Variants in SMAD4 observed in about 807,000 individuals in gnomAD.
The protein encoded by SMAD4 is MAD homolog 4.
Under a neutral mutation model 63.2 loss-of-function variants are expected in SMAD4, and 7 were observed. The ratio of observed to expected loss-of-function variants is 0.11; its 90% CI spans 0.06 to 0.21. The LOEUF (loss-of-function observed/expected upper bound fraction) is 0.21. Among genes scored for constraint, SMAD4 ranks in the 10% least tolerant of loss-of-function variants. SMAD4 has a pLI of 1.00. For synonymous variants in SMAD4, 215 were observed against 235.4 expected, an observed-to-expected ratio of 0.91 and a Z score of 0.79; for missense variants, 312 against 693.8, an observed-to-expected ratio of 0.45 and a Z score of 6.18.
chr18:51,070,696 A>C (rs1295983539), intron 10 of SMAD4, among the ~76,000 whole-genome samples: 1 of 152,064 alleles, frequency 6.6e-6, no homozygotes, highest in Non-Finnish European at 1.5e-5. Flanking sequence ...AGATGATGAA[A>C]TCTCACTCCA....
At position 51,083,801 on chromosome 18, in the gene SMAD4, T is replaced by C. The variant is rs529462368; in HGVS notation, c.*5334T>C. On this transcript the variant is annotated 3_prime_UTR_variant, in exon 12 of 12. Transcript: ENST00000342988. The stretch of plus-strand genomic sequence containing the variant: ...TGACCTTGGCTACCTTGCAGCAGTT[T>C]TGGATTTCTTCCTTATCTTTGTTCT... The C allele has an allele frequency of 4.3e-6, 1 of 231,164 alleles. No individual in the cohort carries two copies. Among genetic ancestry groups the C allele is most frequent in the Admixed American group, 5.6e-5 (1 of 17,732 alleles). The allele number at this position is 231,164 out of a possible 1,614,324, so 14.3% of individuals were successfully genotyped here.
In SMAD4 at chr18:51,079,221, C is replaced by T. The variant is rs1161597412; in HGVS notation, c.*754C>T. The T allele has an allele frequency of 8.6e-6, 2 of 232,820 alleles. No individual in the cohort carries two copies. The highest frequency in any genetic ancestry group is 1.8e-4 in the South Asian group (1 of 5,522). The allele number at this position is 232,820 out of a possible 1,614,324, so 14.4% of individuals were successfully genotyped here. On this transcript the variant is annotated 3_prime_UTR_variant, in exon 12 of 12. Transcript: ENST00000342988. Reference sequence around the variant, plus strand: ...TGAAGTATACTTTTCCCCTGTTAAACAGTAGTTGTATTCTTCTGTATTTCT... The same window carrying T: ...TGAAGTATACTTTTCCCCTGTTAAATAGTAGTTGTATTCTTCTGTATTTCT...
chr18:51,034,585 C>G (rs746106049), intron 1 of SMAD4, among the ~76,000 whole-genome samples: 3 of 151,766 alleles, frequency 2.0e-5, no homozygotes, highest in Non-Finnish European at 4.4e-5. Context: ...TGCTCAGTGC[C>G]CCAGCCTGGA....
rs1019895180 is a variant in SMAD4 at position 51,049,218 on chromosome 18, A to G, written c.425-77A>G. 6 of 1,134,698 alleles carry G rather than the reference A, an allele frequency of 5.3e-6. No homozygotes were observed. In the Admixed American group the frequency reaches 7.2e-5, roughly 14 times the overall value. The allele number at this position is 1,134,698 out of a possible 1,614,324, so 70.3% of individuals were successfully genotyped here. On this transcript the variant is annotated intron_variant, in intron 3 of 11. Coordinates refer to ENST00000342988, the MANE Select transcript of SMAD4 (RefSeq NM_005359.6). ...TTTGTAATCTTTGGTTTAAATTTAC[A>G]TTCTCTGTTTTTAAATGGAAAATAC...
chr18:51,055,074 A>T, intron 5 of SMAD4, 81 bp downstream of exon 5: 1 of 1,005,562 alleles, frequency 9.9e-7, no homozygotes. Context: ...TTGGGGGGAA[A>T]CTCCAAGTAA....
chr18:51,059,836 A>G (rs752707803), intron 7 of SMAD4, 30 bp from the exon 8 acceptor site: 6 of 1,590,392 alleles, frequency 3.8e-6, no homozygotes, highest in Non-Finnish European at 5.2e-6. Flanking sequence ...TTAGTAAATA[A>G]AAATGGAATT....
rs1163381283 is a variant in SMAD4 at position 51,058,172 on chromosome 18, C to G, written c.715C>G (p.Gln239Glu). ...GGGCAGCCATAGTGAAGGACTGTTG[C>G]AGATAGCATCAGGGCCTCAGCCAGG... is the stretch of plus-strand genomic sequence containing the variant. The part of the protein sequence containing the change: ...LGGSHSEGLL[Q>E]IASGPQPGQQ... Residue 239 changes from glutamine to glutamate, a missense_variant, in exon 6 of 12, where the codon CAG (glutamine) becomes GAG (glutamate). By Grantham distance (29) the Gln-to-Glu change is conservative. Transcript: ENST00000342988. 11 of 1,614,130 alleles carry G rather than the reference C, an allele frequency of 6.8e-6. No individual in the cohort carries two copies. The highest frequency in any genetic ancestry group is 1.7e-5 in the Admixed American group (1 of 60,028).
intron 10 of SMAD4, among the ~76,000 whole-genome samples, chr18:51,070,782 C>T (rs565960229): frequency 2.6e-5 from 4 of 152,216 alleles, no homozygotes; most frequent in East Asian, 1.9e-4. Context: ...CACTGAGTAG[C>T]GAGCTCAGTT....
chr18:51,073,479 T>C (rs1021325318), intron 10 of SMAD4, among the ~76,000 whole-genome samples: 2 of 145,636 alleles, frequency 1.4e-5, no homozygotes, highest in Non-Finnish European at 3.0e-5. Context: ...TGTGGAGACC[T>C]AAATGTAAAA....
chr18:51,046,474 G>A (rs1176126405), intron 1 of SMAD4, among the ~76,000 whole-genome samples: 2 of 150,470 alleles, frequency 1.3e-5, no homozygotes, highest in Admixed American at 6.6e-5. Context: ...TTTAACAAAG[G>A]TGAGTGTTAA....
At chr18:51,049,383 TG>T in intron 4 of SMAD4, 59 bp downstream of exon 4, 1 of 1,301,734 alleles carries the variant, frequency 7.7e-7, no homozygotes, top group Non-Finnish European at 1.1e-6. Context: ...TCTGTTTTTT[TG>T]TTGACCTAGA....
At position 51,080,887 on chromosome 18, in the gene SMAD4, TC is replaced by T. The variant is rs1568212275; in HGVS notation, c.*2421del. On this transcript the variant is annotated 3_prime_UTR_variant, in exon 12 of 12. Coordinates refer to ENST00000342988, the MANE Select transcript of SMAD4 (RefSeq NM_005359.6). ...TAAGGAAAGTTTTCATGTTTAATCA[TC>T]TGGGGAAAGTATGTGAAAAATATTT... 1 of 184,214 alleles carries T rather than the reference TC, an allele frequency of 5.4e-6. No homozygotes were observed. The highest frequency in any genetic ancestry group is 2.3e-5 in the African/African-American group (1 of 42,626). 11.4% of individuals were successfully genotyped at this position (184,214 alleles called of 1,614,324 possible).
intron 1 of SMAD4, among the ~76,000 whole-genome samples, chr18:51,031,643 A>C (rs892035209): frequency 2.6e-5 from 4 of 152,148 alleles, no homozygotes; most frequent in African/African-American, 9.7e-5. Context: ...CTTTTGCCAG[A>C]ATTAGCATCC....
chr18:51,080,117 C>CT lies in SMAD4; in HGVS notation c.*1651dup, dbSNP rs1217603658. 1 of 232,492 alleles carries CT rather than the reference C, an allele frequency of 4.3e-6. No individual in the cohort carries two copies. The highest frequency in any genetic ancestry group is 2.2e-5 in the African/African-American group (1 of 45,296). The allele number at this position is 232,492 out of a possible 1,614,324, so 14.4% of individuals were successfully genotyped here. A position where few individuals can be genotyped will look rare whatever the true frequency, so the allele number is the denominator to read the frequency against. ...TTACTTTTGCCTGGAGAACTTTTAG[C>CT]TATAGAAACACTTGTGTGATGATAG... On this transcript the variant is annotated 3_prime_UTR_variant, in exon 12 of 12. Coordinates refer to ENST00000342988, the MANE Select transcript of SMAD4 (RefSeq NM_005359.6).
chr18:51,053,252 A>T (rs1352918422), intron 4 of SMAD4: 1 of 151,614 alleles, frequency 6.6e-6, no homozygotes, highest in Non-Finnish European at 1.5e-5. Context: ...GATCCCAGTC[A>T]TTATAACAAC....
intron 10 of SMAD4, 78 bp downstream of exon 10, chr18:51,067,265 G>T: frequency 1.3e-6 from 1 of 794,180 alleles, no homozygotes. Context: ...TGGGTGGAAG[G>T]AATGGAAAAA....
chr18:51,068,574 G>A (rs1003537631), intron 10 of SMAD4, among the ~76,000 whole-genome samples: 1 of 152,062 alleles, frequency 6.6e-6, no homozygotes, highest in Admixed American at 6.6e-5. Context: ...AAGCAATAAA[G>A]TATTATATTT....
chr18:51,034,846 A>G (rs113048972), intron 1 of SMAD4, among the ~76,000 whole-genome samples: 1 of 152,156 alleles, frequency 6.6e-6, no homozygotes, highest in Non-Finnish European at 1.5e-5. Context: ...ACGCCTGGCA[A>G]GTAGTTTTCA....
In SMAD4 at chr18:51,080,882, A is replaced by G; in HGVS notation, c.*2415A>G. 1.1e-5 allele frequency: 2 copies of G among 183,332 alleles called. No homozygotes were observed. Among genetic ancestry groups the G allele is most frequent in the East Asian group, 8.9e-5 (1 of 11,176 alleles). The allele number at this position is 183,332 out of a possible 1,614,324, so 11.4% of individuals were successfully genotyped here. ...TACTTTAAGGAAAGTTTTCATGTTT[A>G]ATCATCTGGGGAAAGTATGTGAAAA... On this transcript the variant is annotated 3_prime_UTR_variant, in exon 12 of 12. Transcript: ENST00000342988.
Sources: gnomAD v4.1 joint callset for allele counts (sites outside exome capture counted in the v4.1 genomes callset) on GRCh38, gnomAD v4.1.1 for gene constraint, MANE v1.5 for transcripts, NCBI Gene and HGNC (gene_info 2026-07-23, HGNC 2026-07-21) for gene names.